Variants in ADAP2 observed in about 807,000 individuals in gnomAD.
ADAP2 encodes ArfGAP with dual PH domains 2.
ADAP2 carries 42 observed loss-of-function variants against 54.9 expected under a neutral mutation model. The ratio of observed to expected loss-of-function variants is 0.77; its 90% CI spans 0.60 to 0.99. ADAP2 has a LOEUF of 0.99. ADAP2 is among the 50% of genes least tolerant of loss of function. The probability of loss-of-function intolerance (pLI) is 0.00; values close to 1 mark genes in which losing one functional copy is unlikely to be tolerated. For missense variants in ADAP2, 429 were observed against 480.4 expected, an observed-to-expected ratio of 0.89 and a Z score of 1.00; for synonymous variants, 177 against 180.1, an observed-to-expected ratio of 0.98 and a Z score of 0.14.
chr17:30,943,164 G>A (rs1039195535), intron 5 of ADAP2, among the ~76,000 whole-genome samples: 2 of 152,122 alleles, frequency 1.3e-5, no homozygotes, highest in African/African-American at 4.8e-5. Context: ...TCGGGAGTTC[G>A]AGATCAGCCT....
At position 30,956,297 on chromosome 17, in the gene ADAP2, C is replaced by CT. The variant is rs1288726811; in HGVS notation, c.940dup (p.Tyr314LeufsTer33). The CT allele has an allele frequency of 6.2e-7, 1 of 1,614,044 alleles. No individual in the cohort carries two copies. The highest frequency in any genetic ancestry group is 8.5e-7 in the Non-Finnish European group (1 of 1,180,030). On this transcript the variant is annotated frameshift_variant, in exon 10 of 11. Coordinates refer to ENST00000330889, the MANE Select transcript of ADAP2 (RefSeq NM_018404.3). LOFTEE classifies it high-confidence loss of function. The stretch of plus-strand genomic sequence containing the variant: ...GGAACAAGGAGCAGGGATATGAAGC[C>CT]TACGAAGACCTGCCCAAGGGCATCC...
intron 1 of ADAP2, among the ~76,000 whole-genome samples, 188 bp downstream of exon 1, chr17:30,922,296 A>C (rs1598018071): frequency 1.6e-5 from 2 of 126,460 alleles, no homozygotes; most frequent in South Asian, 2.7e-4. Context: ...TCTCCACCAC[A>C]CCCTGCCCCG....
intron 2 of ADAP2, among the ~76,000 whole-genome samples, chr17:30,924,871 T>C (rs907435275): frequency 2.0e-5 from 3 of 151,588 alleles, no homozygotes; most frequent in African/African-American, 7.3e-5. Context: ...TTTTTGTTTT[T>C]TTTGTTTTTT....
intron 7 of ADAP2, among the ~76,000 whole-genome samples, chr17:30,952,187 T>C (rs1169053603): frequency 6.6e-6 from 1 of 152,110 alleles, no homozygotes; most frequent in Admixed American, 6.6e-5. Context: ...GCTGCCAGGC[T>C]GGAAGGGATG....
intron 3 of ADAP2, among the ~76,000 whole-genome samples, chr17:30,931,433 A>T (rs1911473521): frequency 1.3e-5 from 2 of 152,192 alleles, no homozygotes; most frequent in Admixed American, 1.3e-4. Context: ...GGAATTATCC[A>T]ACCCCGAATG....
rs144075981 is a variant in ADAP2 at position 30,926,852 on chromosome 17, G to T, written c.251G>T (p.Arg84Leu). 1 of 1,614,070 alleles carries T rather than the reference G, an allele frequency of 6.2e-7. No individual in the cohort carries two copies. Among genetic ancestry groups the T allele is most frequent in the Non-Finnish European group, 8.5e-7 (1 of 1,180,046 alleles). ...VEFMIHNGNL[R>L]VKAKFEARVP... ...TTTATGATCCACAATGGAAACCTCCGTGTGAAGGCCAAGTTCGAAGCCAGA... is the reference window on the plus strand; with the variant it reads ...TTTATGATCCACAATGGAAACCTCCTTGTGAAGGCCAAGTTCGAAGCCAGA... The change falls in exon 3 of 11, where the codon CGT becomes CTT. Residue 84 changes from arginine to leucine, a missense_variant. By Grantham distance (102) the Arg-to-Leu change is moderately radical. Transcript: ENST00000330889.
chr17:30,958,287 T>G lies in ADAP2; in HGVS notation c.*418T>G, dbSNP rs1236929316. 1 of 179,192 alleles carries G rather than the reference T, an allele frequency of 5.6e-6. No homozygotes were observed. The highest frequency in any genetic ancestry group is 1.2e-5 in the Non-Finnish European group (1 of 83,520). The allele number at this position is 179,192 out of a possible 1,614,324, so 11.1% of individuals were successfully genotyped here. Reference sequence around the variant, plus strand: ...TCAGACAAATCCACATTAGGGGCATTCTGCTAAACATCTGACCCAGACTCT... The same window carrying G: ...TCAGACAAATCCACATTAGGGGCATGCTGCTAAACATCTGACCCAGACTCT... On this transcript the variant is annotated 3_prime_UTR_variant, in exon 11 of 11. Coordinates refer to ENST00000330889, the MANE Select transcript of ADAP2 (RefSeq NM_018404.3).
chr17:30,951,537 T>C (rs931895715), intron 7 of ADAP2, among the ~76,000 whole-genome samples: 10 of 152,144 alleles, frequency 6.6e-5, no homozygotes, highest in Non-Finnish European at 1.0e-4. Context: ...GTCTCACTTA[T>C]GTTGCCCAGG....
chr17:30,944,793 T>C, intron 5 of ADAP2, 114 bp from the exon 6 acceptor site: 1 of 1,120,142 alleles, frequency 8.9e-7, no homozygotes, highest in Non-Finnish European at 1.3e-6. Flanking sequence ...GCAAGAACAT[T>C]TAAAACCCAT....
chr17:30,928,597 C>T (rs1447721477), intron 3 of ADAP2, among the ~76,000 whole-genome samples: 2 of 152,188 alleles, frequency 1.3e-5, no homozygotes, highest in Non-Finnish European at 2.9e-5. Context: ...CCTACAAGTA[C>T]TGCTACTATC....
rs9912805 is a variant in ADAP2 at position 30,931,942 on chromosome 17, C to G, written c.371C>G (p.Ala124Gly). Residue 124 changes from alanine (A) to glycine (G), a missense_variant, in exon 4 of 11, where the codon GCT becomes GGT. Physicochemically the swap from Ala to Gly is moderately conservative, Grantham distance 60. Coordinates refer to ENST00000330889, the MANE Select transcript of ADAP2 (RefSeq NM_018404.3). Reference protein sequence around the residue: ...RAKYERREFMADGETISLPGN... With the variant: ...RAKYERREFMGDGETISLPGN... ...AAGTATGAGAGACGGGAATTTATGG[C>G]TGATGGGGAAACCATCTCGCTCCCA... 6.2e-7 allele frequency: 1 copy of G among 1,613,972 alleles called. No individual in the cohort carries two copies. The highest frequency in any genetic ancestry group is 8.5e-7 in the Non-Finnish European group (1 of 1,179,926).
At chr17:30,944,688 G>C (rs1912522163) in intron 5 of ADAP2, among the ~76,000 whole-genome samples, 1 of 152,098 alleles carries the variant, frequency 6.6e-6, no homozygotes, top group South Asian at 2.1e-4. Flanking sequence ...TCAAACTCCT[G>C]ACCATAGGTG....
intron 2 of ADAP2, among the ~76,000 whole-genome samples, chr17:30,924,623 G>A (rs35840638): frequency 0.19 from 29,258 of 152,016 alleles, 3,450 homozygotes; most frequent in Non-Finnish European, 0.27. Flanking sequence ...TGGGGAAGCA[G>A]GCTGACATTT....
chr17:30,922,413 G>C lies in ADAP2; in HGVS notation c.94+305G>C, dbSNP rs369207538. Among the ~76,000 whole-genome samples, 70 of 152,286 alleles carry C rather than the reference G, an allele frequency of 4.6e-4. 1 individual carries two copies. In the South Asian group the frequency reaches 0.014, roughly 30 times the overall value. On this transcript the variant is annotated intron_variant, in intron 1 of 10. Transcript: ENST00000330889. The stretch of plus-strand genomic sequence containing the variant: ...GGCAGCCTAGAGCCCTTCCAGTCCC[G>C]CTCTCTTCCCTGGCCAGGCACCCGA...
Position 30,958,047 on chromosome 17 carries a change from C to CGGGG in ADAP2, c.*178_*179insGGGG. 1 of 640,460 alleles carries CGGGG rather than the reference C, an allele frequency of 1.6e-6. No homozygotes were observed. Among genetic ancestry groups the CGGGG allele is most frequent in the Non-Finnish European group, 2.8e-6 (1 of 354,768 alleles). 39.7% of individuals were successfully genotyped at this position (640,460 alleles called of 1,614,324 possible). On this transcript the variant is annotated 3_prime_UTR_variant, in exon 11 of 11. Coordinates refer to ENST00000330889, the MANE Select transcript of ADAP2 (RefSeq NM_018404.3). ...CCATCAGCTCCCTGGGCCTTCCCCG[C>CGGGG]AACCCACCTCGGGGATCTGAGGATC...
intron 2 of ADAP2, among the ~76,000 whole-genome samples, chr17:30,924,288 A>C (rs1324321813): frequency 1.3e-5 from 2 of 151,578 alleles, no homozygotes; most frequent in African/African-American, 2.4e-5. Flanking sequence ...TGGGAAGATC[A>C]CCTGAGCCTG....
intron 5 of ADAP2, among the ~76,000 whole-genome samples, chr17:30,939,873 A>C (rs749977585): frequency 6.6e-6 from 1 of 152,206 alleles, no homozygotes; most frequent in Non-Finnish European, 1.5e-5. Context: ...CACTTTTATA[A>C]GTGATGACAC....
chr17:30,949,182 A>G (rs1904394281), intron 6 of ADAP2, 105 bp from the exon 7 acceptor site: 2 of 846,774 alleles, frequency 2.4e-6, no homozygotes, highest in African/African-American at 3.3e-5. Context: ...TGCTGAATAT[A>G]TGTGCCCCAC....
At chr17:30,941,967 G>A (rs1208420470) in intron 5 of ADAP2, among the ~76,000 whole-genome samples, 1 of 151,622 alleles carries the variant, frequency 6.6e-6, no homozygotes, top group East Asian at 1.9e-4. Context: ...GTGCAGTGGT[G>A]CGATCTTGGC....
Sources: gnomAD v4.1 joint callset for allele counts (sites outside exome capture counted in the v4.1 genomes callset) on GRCh38, gnomAD v4.1.1 for gene constraint, MANE v1.5 for transcripts, NCBI Gene and HGNC (gene_info 2026-07-23, HGNC 2026-07-21) for gene names.